Variants in CDC14A observed in about 807,000 individuals in gnomAD.
CDC14A encodes dual specificity protein phosphatase CDC14A.
A neutral mutation model predicts 74.4 loss-of-function variants in CDC14A; 53 were observed. The observed-to-expected ratio is 0.71, with a 90% CI of 0.57 to 0.89. The LOEUF is 0.89. Among genes scored for constraint, CDC14A ranks in the 40% least tolerant of loss-of-function variants. The pLI is 0.00. For synonymous variants in CDC14A, 247 were observed against 258.4 expected (o/e 0.96, Z 0.43); for missense variants, 646 against 713.7 (o/e 0.91, Z 1.08).
At chr1:100,477,195 G>A (rs1333097619) in intron 10 of CDC14A, among the ~76,000 whole-genome samples, 1 of 152,092 alleles carries the variant, frequency 6.6e-6, no homozygotes, top group African/African-American at 2.4e-5. Flanking sequence ...AAGTAAACTG[G>A]TGTTCTTTTA....
chr1:100,362,131 G>A (rs1652841160), intron 2 of CDC14A, among the ~76,000 whole-genome samples: 1 of 152,078 alleles, frequency 6.6e-6, no homozygotes, highest in Non-Finnish European at 1.5e-5. Flanking sequence ...GTAAAAAGGG[G>A]GTCATTATAA....
At chr1:100,415,325 T>C (rs1268545481) in intron 4 of CDC14A, among the ~76,000 whole-genome samples, 1 of 152,170 alleles carries the variant, frequency 6.6e-6, no homozygotes. Context: ...CAAATTAAAC[T>C]GTAAAGAGAT....
At chr1:100,446,811 C>CGGAG (rs1665593452) in intron 7 of CDC14A, among the ~76,000 whole-genome samples, 1 of 152,164 alleles carries the variant, frequency 6.6e-6, no homozygotes, top group Admixed American at 6.5e-5. Context: ...CATCCTCCCA[C>CGGAG]CTCAGCCTCC....
At chr1:100,445,993 A>G (rs1665503121) in intron 7 of CDC14A, among the ~76,000 whole-genome samples, 1 of 152,172 alleles carries the variant, frequency 6.6e-6, no homozygotes, top group African/African-American at 2.4e-5. Flanking sequence ...TTTTCTGACA[A>G]TCTGTGGGCC....
chr1:100,485,126 G>T (rs901075263), intron 11 of CDC14A: 4 of 985,174 alleles, frequency 4.1e-6, no homozygotes, highest in Non-Finnish European at 4.8e-6. Flanking sequence ...GATTTACTAA[G>T]AATTAGGATT....
chr1:100,398,054 G>T (rs372952703), intron 4 of CDC14A, among the ~76,000 whole-genome samples: 1 of 152,154 alleles, frequency 6.6e-6, no homozygotes, highest in African/African-American at 2.4e-5. Context: ...ATTGTTAGTT[G>T]TATGCCCTGA....
chr1:100,352,334 A>C, upstream of CDC14A: 2 of 404,724 alleles, frequency 4.9e-6, no homozygotes, highest in Non-Finnish European at 6.7e-6. Context: ...GGCGCCTGGT[A>C]ACTGGGGCTG....
chr1:100,494,650 G>T (rs1259110807), intron 11 of CDC14A, among the ~76,000 whole-genome samples, 168 bp from the exon 12 acceptor site: 2 of 152,190 alleles, frequency 1.3e-5, no homozygotes, highest in Admixed American at 1.3e-4. Context: ...CTGGCAAATA[G>T]TTGAGTGTTC....
rs138151037 is a variant in CDC14A, at chr1:100,368,643, C to T, written c.141-8903C>T. ...GTATATGTGCAGGTTTGTATACAAG[C>T]ATATTTTGTGATGCTAAGGTTTGGG... On this transcript the variant is annotated intron_variant, in intron 2 of 15. Transcript: ENST00000336454. Among the ~76,000 whole-genome samples, 78 of 152,248 alleles carry T rather than the reference C, an allele frequency of 5.1e-4. No individual in the cohort carries two copies. The East Asian group carries it at 5.4e-3, about 11-fold the overall frequency.
rs138665357 is a variant in CDC14A, at chr1:100,417,499, G to T, written c.310-6723G>T. 2.6e-3 allele frequency among the ~76,000 whole-genome samples: 389 copies of T among 152,340 alleles called. 3 individuals are homozygous for T. The highest frequency in any genetic ancestry group is 8.7e-3 in the African/African-American group (360 of 41,572). ...TGTATCCCATGTTGGAAGTGGCTGAGTGTGGCTTCAGAATAGACACAGAGG... is the reference window on the plus strand; with the variant it reads ...TGTATCCCATGTTGGAAGTGGCTGATTGTGGCTTCAGAATAGACACAGAGG... On this transcript the variant is annotated intron_variant, in intron 4 of 15. Coordinates refer to ENST00000336454, the MANE Select transcript of CDC14A (RefSeq NM_003672.4).
chr1:100,474,208 T>C (rs575579245), intron 10 of CDC14A, among the ~76,000 whole-genome samples: 3 of 152,360 alleles, frequency 2.0e-5, no homozygotes, highest in African/African-American at 7.2e-5. Context: ...CATTTGGTCA[T>C]GGTGTGTAAT....
At chr1:100,410,096 C>T (rs1394203450) in intron 4 of CDC14A, among the ~76,000 whole-genome samples, 1 of 151,846 alleles carries the variant, frequency 6.6e-6, no homozygotes. Flanking sequence ...TCTGTAGTCT[C>T]AGCTACTTGG....
At chr1:100,433,192 G>T (rs1663921715) in intron 5 of CDC14A, among the ~76,000 whole-genome samples, 1 of 152,110 alleles carries the variant, frequency 6.6e-6, no homozygotes, top group Admixed American at 6.6e-5. Context: ...TGCTTCAAAA[G>T]GTCAATAGTT....
intron 4 of CDC14A, among the ~76,000 whole-genome samples, chr1:100,412,708 A>ATTT (rs1209770760): frequency 1.0e-5 from 1 of 99,118 alleles, no homozygotes; most frequent in Non-Finnish European, 1.8e-5. Flanking sequence ...ATATATATAT[A>ATTT]TATATATATA....
chr1:100,482,508 G>A (rs772402623), intron 10 of CDC14A, among the ~76,000 whole-genome samples: 2 of 151,968 alleles, frequency 1.3e-5, no homozygotes, highest in Non-Finnish European at 2.9e-5. Context: ...ACTTCTTTTT[G>A]ATTCCATCAG....
intron 15 of CDC14A, among the ~76,000 whole-genome samples, chr1:100,517,575 A>G (rs767468638): frequency 5.9e-5 from 9 of 152,204 alleles, no homozygotes; most frequent in Non-Finnish European, 1.3e-4. Context: ...ACATATCCCA[A>G]TCACAATCCT....
At chr1:100,430,525 G>A (rs1171688553) in intron 5 of CDC14A, among the ~76,000 whole-genome samples, 2 of 152,112 alleles carry the variant, frequency 1.3e-5, no homozygotes, top group African/African-American at 2.4e-5. Context: ...AGAACTTGTA[G>A]GTCTTTAAAC....
intron 15 of CDC14A, among the ~76,000 whole-genome samples, chr1:100,514,625 C>T (rs74648527): frequency 0.016 from 2,504 of 152,228 alleles, 65 homozygotes; most frequent in African/African-American, 0.058. Context: ...TCCAGCTCCA[C>T]CAATTCTTAA....
rs531836891 is a variant in CDC14A at position 100,484,366 on chromosome 1, G to T, written c.1052G>T (p.Ser351Ile). ...KLKNRPSSEG[S>I]INKILSGLDD... The stretch of plus-strand genomic sequence containing the variant: ...AAAAATCGACCATCCAGTGAAGGAA[G>T]TATTAATAAAATTCTTTCTGGCCTA... Residue 351 changes from serine (S) to isoleucine (I), a missense_variant, in exon 11 of 16, where the codon AGT becomes ATT. Physicochemically the swap from Ser to Ile is moderately radical, Grantham distance 142. Transcript: ENST00000336454. 6.2e-7 allele frequency: 1 copy of T among 1,606,732 alleles called. No homozygotes were observed. Among genetic ancestry groups the T allele is most frequent in the Admixed American group, 1.7e-5 (1 of 59,114 alleles).
Sources: gnomAD v4.1 joint callset for allele counts (sites outside exome capture counted in the v4.1 genomes callset) on GRCh38, gnomAD v4.1.1 for gene constraint, MANE v1.5 for transcripts, NCBI Gene and HGNC (gene_info 2026-07-23, HGNC 2026-07-21) for gene names.